The following NGRN variants were observed in gnomAD, a reference collection of about 807,000 sequenced individuals.
NGRN encodes the protein neugrin.
In NGRN, 12 loss-of-function variants were observed where a neutral mutation model predicts 13.1. The observed-to-expected ratio is 0.92, with a 90% CI of 0.59 to 1.49. The LOEUF is 1.49. Among genes scored for constraint, NGRN ranks in the 40% most tolerant of loss-of-function variants. NGRN has a pLI of 0.00. For missense variants in NGRN, 397 were observed against 357.0 expected (o/e 1.11, Z -0.90); for synonymous variants, 149 against 145.8 (o/e 1.02, Z -0.16).
In NGRN at chr15:90,266,370, C is replaced by G; in HGVS notation, c.247C>G (p.Leu83Val). Residue 83 changes from leucine to valine, a missense_variant, in exon 2 of 3, where the codon CTG becomes GTG. Leu to Val is a conservative substitution (Grantham distance 32, BLOSUM62 1). Coordinates refer to ENST00000379095, the MANE Select transcript of NGRN (RefSeq NM_001033088.3). ...MEAPGAPPRT[L>V]TWEAMEQIRY... ...GGCGCCTGGTGCCCCGCCCAGGACC[C>G]TGACGTGGGAAGCCATGGAGCAGAT... 3 of 1,613,722 alleles carry G rather than the reference C, an allele frequency of 1.9e-6. No individual in the cohort carries two copies. Among genetic ancestry groups the G allele is most frequent in the Non-Finnish European group, 2.5e-6 (3 of 1,179,880 alleles).
At chr15:90,271,073 G>T in intron 2 of NGRN, 115 bp from the exon 3 acceptor site, 1 of 1,223,518 alleles carries the variant, frequency 8.2e-7, no homozygotes, top group South Asian at 1.5e-5. Flanking sequence ...TGGGATTACA[G>T]GTGTGAGCCA....
rs1304474946 is a variant in NGRN, at chr15:90,265,785, C to G, written c.73C>G (p.Arg25Gly). The change falls in exon 1 of 3, where the codon CGG becomes GGG. Residue 25 changes from arginine (R) to glycine (G), a missense_variant. By Grantham distance (125) the Arg-to-Gly change is moderately radical. Transcript: ENST00000379095. ...AAVTRCGFAT[R>G]GVAGPGPIGR... Reference sequence around the variant, plus strand: ...CGTCACTCGCTGTGGGTTCGCGACCCGGGGGGTGGCGGGCCCAGGCCCTAT... The same window carrying G: ...CGTCACTCGCTGTGGGTTCGCGACCGGGGGGGTGGCGGGCCCAGGCCCTAT... The G allele has an allele frequency of 6.2e-7, 1 of 1,612,494 alleles. No individual in the cohort carries two copies. Among genetic ancestry groups the G allele is most frequent in the East Asian group, 2.2e-5 (1 of 44,842 alleles).
chr15:90,266,257 A>C lies in NGRN; in HGVS notation c.165-31A>C. ...TCAAACATCCATTCTGCTTCCACGCATGGCTTCTGCCATTGGTTCTCTTCC... is the reference window on the plus strand; with the variant it reads ...TCAAACATCCATTCTGCTTCCACGCCTGGCTTCTGCCATTGGTTCTCTTCC... On this transcript the variant is annotated intron_variant, in intron 1 of 2. Transcript: ENST00000379095. The C allele has an allele frequency of 2.5e-6, 4 of 1,602,954 alleles. No individual in the cohort carries two copies. The South Asian group carries it at 4.5e-5, about 18-fold the overall frequency.
At chr15:90,270,038 A>G (rs1963482297) in intron 2 of NGRN, among the ~76,000 whole-genome samples, 1 of 152,152 alleles carries the variant, frequency 6.6e-6, no homozygotes, top group Non-Finnish European at 1.5e-5. Flanking sequence ...TTTGTCACTG[A>G]AAAACTACCA....
chr15:90,270,635 C>G (rs1963489305), intron 2 of NGRN, among the ~76,000 whole-genome samples: 1 of 152,142 alleles, frequency 6.6e-6, no homozygotes, highest in South Asian at 2.1e-4. Context: ...TCCTGCGTCC[C>G]CAGGATCTAT....
In NGRN at chr15:90,265,858, A is replaced by C; in HGVS notation, c.146A>C (p.Glu49Ala). 6.2e-7 allele frequency: 1 copy of C among 1,602,746 alleles called. No homozygotes were observed. The highest frequency in any genetic ancestry group is 2.3e-5 in the East Asian group (1 of 44,366). ...PDSDWEPEER[E>A]LQEVESTLKR... ...TCCGACTGGGAGCCGGAGGAACGGG[A>C]GCTGCAGGAGGTGGAGAGGTACCGG... The change falls in exon 1 of 3, where the codon GAG becomes GCG. Residue 49 changes from glutamate to alanine, a missense_variant. Physicochemically the swap from Glu to Ala is moderately radical, Grantham distance 107. Transcript: ENST00000379095.
In NGRN at chr15:90,269,929, A is replaced by G. The variant is rs1596201925; in HGVS notation, c.276-1259A>G. 2.6e-5 allele frequency among the ~76,000 whole-genome samples: 4 copies of G among 152,300 alleles called. No individual in the cohort carries two copies. The South Asian group carries it at 8.3e-4, about 32-fold the overall frequency. ...TTGTACTATTTGACTTTCTTAAAAT[A>G]TTTCTCAACTCACTTTCCTCCTATG... On this transcript the variant is annotated intron_variant, in intron 2 of 2. Coordinates refer to ENST00000379095, the MANE Select transcript of NGRN (RefSeq NM_001033088.3).
At chr15:90,267,150 T>G (rs1204897857) in intron 2 of NGRN, among the ~76,000 whole-genome samples, 1 of 151,816 alleles carries the variant, frequency 6.6e-6, no homozygotes, top group African/African-American at 2.4e-5. Flanking sequence ...TCCCACTTCG[T>G]CCTCCCAAGT....
In NGRN at chr15:90,271,906, G is replaced by T; in HGVS notation, c.*118G>T. On this transcript the variant is annotated 3_prime_UTR_variant, in exon 3 of 3. Coordinates refer to ENST00000379095, the MANE Select transcript of NGRN (RefSeq NM_001033088.3). ...CCACCTTGGAATAGGAAGAGGTGTT[G>T]AGCCTGGACTGTGGGAGGAAAGAGC... 1 of 1,393,150 alleles carries T rather than the reference G, an allele frequency of 7.2e-7. No homozygotes were observed. 86.3% of individuals were successfully genotyped at this position (1,393,150 alleles called of 1,614,324 possible).
intron 2 of NGRN, among the ~76,000 whole-genome samples, chr15:90,269,321 T>C (rs1963474055): frequency 6.6e-6 from 1 of 151,534 alleles, no homozygotes; most frequent in Non-Finnish European, 1.5e-5. Flanking sequence ...TACCCAGCCT[T>C]TTTTTATTTT....
At position 90,271,625 on chromosome 15, in the gene NGRN, C is replaced by G; in HGVS notation, c.713C>G (p.Ser238Cys). The part of the protein sequence containing the change: ...LGHPRELQKY[S>C]SDSESPRGTG... ...CATCCAAGAGAGCTGCAGAAGTACT[C>G]CAGTGATTCTGAGAGCCCCAGAGGA... The change falls in exon 3 of 3, where the codon TCC becomes TGC. Residue 238 changes from serine to cysteine, a missense_variant. Transcript: ENST00000379095. 6.2e-7 allele frequency: 1 copy of G among 1,614,156 alleles called. No individual in the cohort carries two copies. Among genetic ancestry groups the G allele is most frequent in the Non-Finnish European group, 8.5e-7 (1 of 1,180,038 alleles).
At chr15:90,268,149 T>C (rs1201956375) in intron 2 of NGRN, among the ~76,000 whole-genome samples, 2 of 152,060 alleles carry the variant, frequency 1.3e-5, no homozygotes, top group African/African-American at 4.8e-5. Flanking sequence ...ATTACAGGCG[T>C]GCACCACCAC....
At chr15:90,267,241 T>G (rs573608386) in intron 2 of NGRN, among the ~76,000 whole-genome samples, 1 of 151,886 alleles carries the variant, frequency 6.6e-6, no homozygotes, top group African/African-American at 2.4e-5. Flanking sequence ...ATGTTGCCCA[T>G]GCTAGTCTCC....
chr15:90,271,850 G>T lies in NGRN; in HGVS notation c.*62G>T. The T allele has an allele frequency of 6.4e-7, 1 of 1,571,252 alleles. No individual in the cohort carries two copies. Among genetic ancestry groups the T allele is most frequent in the South Asian group, 1.2e-5 (1 of 84,350 alleles). On this transcript the variant is annotated 3_prime_UTR_variant, in exon 3 of 3. Coordinates refer to ENST00000379095, the MANE Select transcript of NGRN (RefSeq NM_001033088.3). ...CAGCTGGGCAAGTATTAATGTATATGGAACAGCCTGGATTTCTGCATATGG... is the reference window on the plus strand; with the variant it reads ...CAGCTGGGCAAGTATTAATGTATATTGAACAGCCTGGATTTCTGCATATGG...
Position 90,271,897 on chromosome 15 carries a change from A to G in NGRN, c.*109A>G. ...ATGGATAAGCCACCTTGGAATAGGA[A>G]GAGGTGTTGAGCCTGGACTGTGGGA... is the stretch of plus-strand genomic sequence containing the variant. On this transcript the variant is annotated 3_prime_UTR_variant, in exon 3 of 3. Coordinates refer to ENST00000379095, the MANE Select transcript of NGRN (RefSeq NM_001033088.3). 1 of 1,444,478 alleles carries G rather than the reference A, an allele frequency of 6.9e-7. No homozygotes were observed. The highest frequency in any genetic ancestry group is 9.4e-7 in the Non-Finnish European group (1 of 1,068,578). The allele number at this position is 1,444,478 out of a possible 1,614,324, so 89.5% of individuals were successfully genotyped here.
At position 90,265,926 on chromosome 15, in the gene NGRN, G is replaced by C. The variant is rs1963408864; in HGVS notation, c.164+50G>C. The stretch of plus-strand genomic sequence containing the variant: ...AGCTTGAAGCAGGGCCTCGTGCCCC[G>C]GCGCTCCAGGCCGCGCCCCCTTGGC... On this transcript the variant is annotated intron_variant, in intron 1 of 2. Coordinates refer to ENST00000379095, the MANE Select transcript of NGRN (RefSeq NM_001033088.3). 2.1e-6 allele frequency: 3 copies of C among 1,437,568 alleles called. No individual in the cohort carries two copies. In the South Asian group the frequency reaches 4.4e-5, roughly 21 times the overall value. 89.1% of individuals were successfully genotyped at this position (1,437,568 alleles called of 1,614,324 possible). A position where few individuals can be genotyped will look rare whatever the true frequency, so the allele number is the denominator to read the frequency against.
In NGRN at chr15:90,271,576, G is replaced by A. The variant is rs2151660861; in HGVS notation, c.664G>A (p.Val222Met). The change falls in exon 3 of 3, where the codon GTG (valine) becomes ATG (methionine). Residue 222 changes from valine (V) to methionine (M), a missense_variant. Physicochemically the swap from Val to Met is conservative, Grantham distance 21. Coordinates refer to ENST00000379095, the MANE Select transcript of NGRN (RefSeq NM_001033088.3). The part of the protein sequence containing the change: ...KEIQDLEESF[V>M]PVAAPLGHPR... ...AATCCAGGACCTGGAGGAGAGCTTT[G>A]TGCCTGTTGCTGCACCCCTAGGTCA... is the stretch of plus-strand genomic sequence containing the variant. 4 of 1,614,190 alleles carry A rather than the reference G, an allele frequency of 2.5e-6. No individual in the cohort carries two copies. The East Asian group carries it at 8.9e-5, about 36-fold the overall frequency.
chr15:90,268,158 A>G (rs1253688216), intron 2 of NGRN, among the ~76,000 whole-genome samples: 4 of 151,962 alleles, frequency 2.6e-5, no homozygotes, highest in African/African-American at 9.7e-5. Flanking sequence ...GTGCACCACC[A>G]CACCTGGCTA....
At chr15:90,268,127 CA>C (rs1963455341) in intron 2 of NGRN, among the ~76,000 whole-genome samples, 1 of 152,114 alleles carries the variant, frequency 6.6e-6, no homozygotes, top group Non-Finnish European at 1.5e-5. Flanking sequence ...CTCAGCCTCC[CA>C]AGTAGCTGGG....
Sources: gnomAD v4.1 joint callset for allele counts (sites outside exome capture counted in the v4.1 genomes callset) on GRCh38, gnomAD v4.1.1 for gene constraint, MANE v1.5 for transcripts, NCBI Gene and HGNC (gene_info 2026-07-23, HGNC 2026-07-21) for gene names.